PLD5: variants seen among roughly 807,000 people sequenced by gnomAD.
PLD5 encodes the protein phospholipase D family member 5, also known as inactive phospholipase D5.
In PLD5, 36 loss-of-function variants were observed where a neutral mutation model predicts 61.1. The observed-to-expected ratio is 0.59, with a 90% CI of 0.45 to 0.78. The LOEUF (loss-of-function observed/expected upper bound fraction) is 0.78. PLD5 is among the 30% of genes least tolerant of loss of function. The pLI is 0.00. For synonymous variants in PLD5, 243 were observed against 242.8 expected, an observed-to-expected ratio of 1.00 and a Z score of -0.01; for missense variants, 515 against 644.4, an observed-to-expected ratio of 0.80 and a Z score of 2.17.
intron 1 of PLD5, among the ~76,000 whole-genome samples, chr1:242,349,644 A>C (rs1401960839): frequency 1.3e-5 from 2 of 152,190 alleles, no homozygotes; most frequent in Non-Finnish European, 2.9e-5. Context: ...CCAGTATGAT[A>C]ATCTGAGCCA....
chr1:242,370,251 C>T (rs1661559138), intron 1 of PLD5, among the ~76,000 whole-genome samples: 1 of 152,150 alleles, frequency 6.6e-6, no homozygotes, highest in Non-Finnish European at 1.5e-5. Flanking sequence ...CTACATGCAG[C>T]CACTGGTGGC....
intron 4 of PLD5, among the ~76,000 whole-genome samples, chr1:242,253,050 C>T (rs541847305): frequency 4.6e-5 from 7 of 151,048 alleles, no homozygotes; most frequent in Admixed American, 4.6e-4. Flanking sequence ...CTCCTGACCT[C>T]ATGATCCGCT....
At chr1:242,126,325 A>G (rs918272131) in intron 5 of PLD5, among the ~76,000 whole-genome samples, 1 of 152,230 alleles carries the variant, frequency 6.6e-6, no homozygotes, top group Admixed American at 6.5e-5. Flanking sequence ...TAAAATTCAT[A>G]TGGGACGAAA....
intron 2 of PLD5, among the ~76,000 whole-genome samples, chr1:242,317,766 C>A (rs1658113456): frequency 6.6e-6 from 1 of 150,662 alleles, no homozygotes; most frequent in Non-Finnish European, 1.5e-5. Flanking sequence ...GTTCCATGTT[C>A]AAAATAAACT....
chr1:242,416,664 G>T (rs74154110), intron 1 of PLD5, among the ~76,000 whole-genome samples: 3 of 152,152 alleles, frequency 2.0e-5, no homozygotes, highest in Non-Finnish European at 4.4e-5. Flanking sequence ...GCCATTGGTC[G>T]ACAGCCCTGG....
rs12041953 is a variant in PLD5, at chr1:242,444,858, G to A, written c.189+79230C>T. ...ATAGGACTCATCTCATACAGTTATT[G>A]ACATGTGATATATATTAAAGAGATG... On this transcript the variant is annotated intron_variant, in intron 1 of 9. Coordinates refer to ENST00000536534, the MANE Select transcript of PLD5 (RefSeq NM_001372062.1). Among the ~76,000 whole-genome samples the A allele has an allele frequency of 1.4e-3, 214 of 150,834 alleles. 8 individuals are homozygous for A. In the East Asian group the frequency reaches 0.032, roughly 23 times the overall value.
At chr1:242,277,679 A>T (rs1441949553) in intron 3 of PLD5, among the ~76,000 whole-genome samples, 1 of 149,510 alleles carries the variant, frequency 6.7e-6, no homozygotes, top group Non-Finnish European at 1.5e-5. Flanking sequence ...TGTTAAGTTC[A>T]AAATTAAGAT....
chr1:242,259,810 G>T (rs1163699943), intron 4 of PLD5, among the ~76,000 whole-genome samples: 2 of 151,942 alleles, frequency 1.3e-5, no homozygotes, highest in Non-Finnish European at 2.9e-5. Flanking sequence ...AATTGTTATG[G>T]TTTTGGTGGA....
intron 2 of PLD5, among the ~76,000 whole-genome samples, chr1:242,342,679 A>C (rs1304244887): frequency 1.3e-5 from 2 of 152,130 alleles, no homozygotes; most frequent in Admixed American, 1.3e-4. Flanking sequence ...ATTTAAAGTT[A>C]TAAGGACCAA....
chr1:242,355,875 T>C (rs1196942296), intron 1 of PLD5, among the ~76,000 whole-genome samples: 1 of 152,128 alleles, frequency 6.6e-6, no homozygotes, highest in Non-Finnish European at 1.5e-5. Flanking sequence ...ATGTTTAATT[T>C]CATTGAGTTT....
chr1:242,370,178 C>T (rs763022704), intron 1 of PLD5, among the ~76,000 whole-genome samples: 1 of 152,180 alleles, frequency 6.6e-6, no homozygotes, highest in Non-Finnish European at 1.5e-5. Context: ...AAGTCAAGCA[C>T]ACCCAGGGCT....
chr1:242,401,636 T>C (rs1300914989), intron 1 of PLD5, among the ~76,000 whole-genome samples: 2 of 152,186 alleles, frequency 1.3e-5, no homozygotes, highest in East Asian at 1.9e-4. Flanking sequence ...ACACTTTTCT[T>C]CTATCTGGAG....
chr1:242,349,557 C>T (rs1200184271), intron 1 of PLD5, among the ~76,000 whole-genome samples: 1 of 152,116 alleles, frequency 6.6e-6, no homozygotes, highest in Non-Finnish European at 1.5e-5. Context: ...AAACATAACT[C>T]TTGATATGAT....
chr1:242,277,221 G>A (rs1425131065), intron 3 of PLD5, among the ~76,000 whole-genome samples: 1 of 152,126 alleles, frequency 6.6e-6, no homozygotes, highest in African/African-American at 2.4e-5. Flanking sequence ...GGGAGACCAA[G>A]GCAAGAAAGG....
chr1:242,354,995 CT>C (rs1274652179), intron 1 of PLD5, among the ~76,000 whole-genome samples: 2 of 151,818 alleles, frequency 1.3e-5, no homozygotes, highest in African/African-American at 4.8e-5. Context: ...GTAAATGATC[CT>C]TTTCATGTGT....
intron 2 of PLD5, among the ~76,000 whole-genome samples, chr1:242,337,164 G>C (rs922008105): frequency 1.7e-4 from 18 of 106,364 alleles, no homozygotes; most frequent in African/African-American, 5.4e-4. Flanking sequence ...CTTCTCAATG[G>C]CTTGTGATGG....
intron 1 of PLD5, among the ~76,000 whole-genome samples, chr1:242,422,491 A>G (rs982284694): frequency 6.6e-6 from 1 of 152,246 alleles, no homozygotes. Context: ...CTTCAAATAC[A>G]TATAACTTAT....
intron 1 of PLD5, among the ~76,000 whole-genome samples, chr1:242,391,353 G>A (rs763349288): frequency 3.9e-5 from 6 of 151,942 alleles, no homozygotes; most frequent in East Asian, 1.9e-4. Context: ...ACTATAATGC[G>A]GTAAAGTAAC....
At chr1:242,190,102 C>G (rs1432138124) in intron 5 of PLD5, among the ~76,000 whole-genome samples, 4 of 151,250 alleles carry the variant, frequency 2.6e-5, no homozygotes, top group Non-Finnish European at 5.9e-5. Flanking sequence ...GTCCTTCACT[C>G]CCTCGGACCT....
Sources: gnomAD v4.1 joint callset for allele counts (sites outside exome capture counted in the v4.1 genomes callset) on GRCh38, gnomAD v4.1.1 for gene constraint, MANE v1.5 for transcripts, NCBI Gene and HGNC (gene_info 2026-07-23, HGNC 2026-07-21) for gene names.